The following CA8 variants were observed in gnomAD, a reference collection of about 807,000 sequenced individuals.
CA8 encodes carbonic anhydrase-related protein.
CA8 carries 22 observed loss-of-function variants against 41.4 expected under a neutral mutation model. The observed-to-expected ratio is 0.53, with a 90% confidence interval of 0.38 to 0.76. The LOEUF is 0.76. CA8 is among the 30% of genes least tolerant of loss of function. The pLI is 0.00. For synonymous variants in CA8, 121 were observed against 130.6 expected (o/e 0.93, Z 0.50); for missense variants, 270 against 352.8 (o/e 0.77, Z 1.88).
intron 4 of CA8, 106 bp downstream of exon 4, chr8:60,232,178 G>T: frequency 1.2e-6 from 1 of 812,580 alleles, no homozygotes; most frequent in Non-Finnish European, 2.1e-6. Flanking sequence ...CTCTCTATGT[G>T]TGTAATTTCA....
chr8:60,186,880 C>T lies in CA8; in HGVS notation c.*3141G>A, dbSNP rs1805980748. Among the ~76,000 whole-genome samples the T allele has an allele frequency of 2.0e-5, 3 of 151,882 alleles. No individual in the cohort carries two copies. Among genetic ancestry groups the T allele is most frequent in the Admixed American group, 2.0e-4 (3 of 15,234 alleles). ...AGAATTGAAGGAAGAGATTATTCAA[C>T]AACAGTCAGAGAATTCAATACACTA... On this transcript the variant is annotated 3_prime_UTR_variant, in exon 9 of 9. Transcript: ENST00000317995.
intron 8 of CA8, among the ~76,000 whole-genome samples, chr8:60,196,774 C>G (rs2130386449): frequency 6.6e-6 from 1 of 151,708 alleles, no homozygotes; most frequent in Non-Finnish European, 1.5e-5. Context: ...TATGGTTTAT[C>G]TGAAAAAATT....
At chr8:60,258,200 T>C (rs1365334750) in intron 3 of CA8, among the ~76,000 whole-genome samples, 2 of 152,338 alleles carry the variant, frequency 1.3e-5, no homozygotes, top group Admixed American at 1.3e-4. Flanking sequence ...CATGTTTAAG[T>C]AACCCTTATT....
intron 3 of CA8, among the ~76,000 whole-genome samples, chr8:60,255,518 G>T (rs1808604404): frequency 6.6e-6 from 1 of 152,146 alleles, no homozygotes; most frequent in South Asian, 2.1e-4. Context: ...CAAATAAACT[G>T]GTTCCACTGA....
At chr8:60,243,810 C>T (rs191359477) in intron 3 of CA8, among the ~76,000 whole-genome samples, 44 of 152,316 alleles carry the variant, frequency 2.9e-4, no homozygotes, top group African/African-American at 1.0e-3. Flanking sequence ...GCAGTTCCAT[C>T]GCAGGCTCCA....
chr8:60,220,036 T>C (rs891250107), intron 7 of CA8, among the ~76,000 whole-genome samples: 5 of 151,418 alleles, frequency 3.3e-5, no homozygotes, highest in Non-Finnish European at 5.9e-5. Context: ...CTATATATGG[T>C]CCATATTTAT....
chr8:60,278,376 G>T (rs1242665926), intron 2 of CA8, among the ~76,000 whole-genome samples: 1 of 152,078 alleles, frequency 6.6e-6, no homozygotes, highest in East Asian at 1.9e-4. Context: ...ATTGATCATG[G>T]CACCTGACAT....
chr8:60,259,568 TA>T (rs1803661747), intron 3 of CA8, among the ~76,000 whole-genome samples: 1 of 152,160 alleles, frequency 6.6e-6, no homozygotes, highest in Non-Finnish European at 1.5e-5. Flanking sequence ...GGAATACAGC[TA>T]AAAGAACATT....
intron 7 of CA8, among the ~76,000 whole-genome samples, chr8:60,220,759 G>A (rs1485457771): frequency 1.3e-5 from 2 of 152,104 alleles, no homozygotes; most frequent in Non-Finnish European, 2.9e-5. Flanking sequence ...AATGAAGCTA[G>A]AATGCACTTC....
intron 2 of CA8, among the ~76,000 whole-genome samples, chr8:60,271,467 T>G (rs1804071273): frequency 6.6e-6 from 1 of 152,206 alleles, no homozygotes; most frequent in Non-Finnish European, 1.5e-5. Flanking sequence ...TTTTGACAAT[T>G]TCATCTTTAA....
intron 1 of CA8, 86 bp from the exon 2 acceptor site, chr8:60,279,966 C>A (rs144653268): frequency 2.8e-6 from 3 of 1,079,814 alleles, no homozygotes; most frequent in Non-Finnish European, 4.1e-6. Context: ...CACTTAGAAC[C>A]CTTGATATCA....
chr8:60,262,218 T>C (rs1803755844), intron 3 of CA8, among the ~76,000 whole-genome samples: 1 of 151,660 alleles, frequency 6.6e-6, no homozygotes, highest in Non-Finnish European at 1.5e-5. Flanking sequence ...GAATGCAGAA[T>C]GTGAACCTGT....
intron 3 of CA8, among the ~76,000 whole-genome samples, chr8:60,252,741 A>G (rs896833307): frequency 3.3e-5 from 5 of 152,212 alleles, no homozygotes; most frequent in Admixed American, 6.5e-5. Context: ...TTGGCACTAA[A>G]AAGTTTCAGA....
intron 2 of CA8, among the ~76,000 whole-genome samples, chr8:60,272,937 G>T (rs1804116562): frequency 6.6e-6 from 1 of 152,202 alleles, no homozygotes; most frequent in African/African-American, 2.4e-5. Flanking sequence ...GGCAAAGTAG[G>T]CCTGCTCTCT....
chr8:60,200,114 A>G (rs1806380493), intron 8 of CA8, among the ~76,000 whole-genome samples: 1 of 152,212 alleles, frequency 6.6e-6, no homozygotes, highest in African/African-American at 2.4e-5. Context: ...AAGAGACCCC[A>G]GAAAACCAGT....
intron 1 of CA8, 121 bp from the exon 2 acceptor site, chr8:60,280,001 TA>T: frequency 1.4e-6 from 1 of 709,416 alleles, no homozygotes; most frequent in Non-Finnish European, 2.3e-6. Context: ...ATACCATCAC[TA>T]TACAGATGAA....
At position 60,187,881 on chromosome 8, in the gene CA8, ACTTT is replaced by A. The variant is rs1806007113; in HGVS notation, c.*2136_*2139del. 6.6e-6 allele frequency: 1 copy of A among 152,146 alleles called. No individual in the cohort carries two copies. The highest frequency in any genetic ancestry group is 2.4e-5 in the African/African-American group (1 of 41,440). 9.4% of individuals were successfully genotyped at this position (152,146 alleles called of 1,614,324 possible). A position where few individuals can be genotyped will look rare whatever the true frequency, so the allele number is the denominator to read the frequency against. On this transcript the variant is annotated 3_prime_UTR_variant, in exon 9 of 9. Coordinates refer to ENST00000317995, the MANE Select transcript of CA8 (RefSeq NM_004056.6). ...TTACAGGGTCCATCACATAGGTTTTACTTTCTTTCCTATCACACCATCAAAACAG... is the reference window on the plus strand; with the variant it reads ...TTACAGGGTCCATCACATAGGTTTTACTTTCCTATCACACCATCAAAACAG...
intron 7 of CA8, 127 bp from the exon 8 acceptor site, chr8:60,209,046 AGCTTC>A: frequency 1.9e-6 from 2 of 1,080,062 alleles, no homozygotes; most frequent in South Asian, 1.5e-5. Context: ...ATTAAAATTA[AGCTTC>A]AAAAAGAAAA....
At chr8:60,219,209 A>G (rs1486917993) in intron 7 of CA8, among the ~76,000 whole-genome samples, 1 of 149,412 alleles carries the variant, frequency 6.7e-6, no homozygotes, top group Non-Finnish European at 1.5e-5. Context: ...CCCAGCCTGG[A>G]GTGCAGTGGC....
Sources: gnomAD v4.1 joint callset for allele counts (sites outside exome capture counted in the v4.1 genomes callset) on GRCh38, gnomAD v4.1.1 for gene constraint, MANE v1.5 for transcripts, NCBI Gene and HGNC (gene_info 2026-07-23, HGNC 2026-07-21) for gene names.